Variants in PTPRO observed in about 807,000 individuals in gnomAD.
PTPRO encodes protein tyrosine phosphatase receptor type O, also known as receptor-type tyrosine-protein phosphatase O.
A neutral mutation model predicts 145.2 loss-of-function variants in PTPRO; 62 were observed. The ratio of observed to expected loss-of-function variants is 0.43; its 90% confidence interval spans 0.35 to 0.53. The LOEUF is 0.53. Among genes scored for constraint, PTPRO ranks in the 20% least tolerant of loss-of-function variants. PTPRO has a pLI of 0.01. For missense variants in PTPRO, 1,345 were observed against 1,482.7 expected (o/e 0.91, Z 1.53); for synonymous variants, 565 against 514.7 (o/e 1.10, Z -1.32).
At chr12:15,515,663 G>C (rs200201580) in intron 8 of PTPRO, 45 bp downstream of exon 8, 1 of 1,611,952 alleles carries the variant, frequency 6.2e-7, no homozygotes, top group African/African-American at 1.3e-5. Context: ...ATATATTAGG[G>C]TATTGACGGA....
chr12:15,495,961 T>A (rs1440095746), intron 2 of PTPRO, among the ~76,000 whole-genome samples: 1 of 151,952 alleles, frequency 6.6e-6, no homozygotes, highest in Non-Finnish European at 1.5e-5. Flanking sequence ...GGCAGGAGAT[T>A]TTTGTCCCTG....
chr12:15,558,484 A>G (rs1943694802), intron 16 of PTPRO, among the ~76,000 whole-genome samples: 2 of 152,220 alleles, frequency 1.3e-5, no homozygotes. Context: ...TATACCTGAC[A>G]ATGATAGATG....
At chr12:15,357,429 A>G (rs1938031320) in intron 1 of PTPRO, among the ~76,000 whole-genome samples, 1 of 152,260 alleles carries the variant, frequency 6.6e-6, no homozygotes, top group Admixed American at 6.5e-5. Flanking sequence ...AAATATTTTC[A>G]AATCAGCAGA....
intron 1 of PTPRO, among the ~76,000 whole-genome samples, chr12:15,390,997 G>A (rs983798): frequency 0.19 from 28,281 of 152,120 alleles, 2,734 homozygotes; most frequent in South Asian, 0.22. Context: ...GGGATAAAAT[G>A]AGAGTAAGCT....
At chr12:15,351,243 A>G (rs1360332801) in intron 1 of PTPRO, among the ~76,000 whole-genome samples, 1 of 152,222 alleles carries the variant, frequency 6.6e-6, no homozygotes, top group Non-Finnish European at 1.5e-5. Context: ...CACACGTAAA[A>G]TTATTAAGTC....
Position 15,580,030 on chromosome 12 carries a change from T to A in PTPRO, c.2921-9T>A, listed in dbSNP as rs1944275557. On this transcript the variant is annotated splice_polypyrimidine_tract_variant and intron_variant, in intron 20 of 26. Coordinates refer to ENST00000281171, the MANE Select transcript of PTPRO (RefSeq NM_030667.3). ...AATTTTAATATTTTTTTCTCCTTAT[T>A]CTCTACAGATGACTTCAGCCGTGTG... 6.2e-7 allele frequency: 1 copy of A among 1,610,426 alleles called. No homozygotes were observed. Among genetic ancestry groups the A allele is most frequent in the Non-Finnish European group, 8.5e-7 (1 of 1,177,646 alleles).
intron 1 of PTPRO, chr12:15,410,872 A>T (rs771798333): frequency 6.6e-6 from 1 of 152,188 alleles, no homozygotes; most frequent in African/African-American, 2.4e-5. Context: ...AATAGTTTAA[A>T]TCTTGGCACA....
At chr12:15,383,505 T>G (rs56718197) in intron 1 of PTPRO, among the ~76,000 whole-genome samples, 22,307 of 152,144 alleles carry the variant, frequency 0.15, 3,697 homozygotes, top group African/African-American at 0.41. Flanking sequence ...CTGTAAAATA[T>G]TTGAAGAGGT....
intron 1 of PTPRO, among the ~76,000 whole-genome samples, chr12:15,433,009 T>C (rs951272579): frequency 6.6e-6 from 1 of 152,080 alleles, no homozygotes; most frequent in Non-Finnish European, 1.5e-5. Context: ...TTGTTGTTAT[T>C]GTTTTTGCTG....
chr12:15,546,788 T>C, intron 13 of PTPRO, 80 bp downstream of exon 13: 2 of 1,552,720 alleles, frequency 1.3e-6, no homozygotes, highest in African/African-American at 1.4e-5. Context: ...ATCTTCTATT[T>C]CTTTGAGCTA....
At chr12:15,580,191 C>A in intron 21 of PTPRO, 76 bp downstream of exon 21, 2 of 1,142,580 alleles carry the variant, frequency 1.8e-6, no homozygotes, top group Non-Finnish European at 2.6e-6. Flanking sequence ...ATGGATGTGT[C>A]AAACAGTTCA....
intron 16 of PTPRO, among the ~76,000 whole-genome samples, chr12:15,558,432 G>T (rs957982387): frequency 2.6e-5 from 4 of 152,144 alleles, no homozygotes; most frequent in Non-Finnish European, 5.9e-5. Context: ...GGAAGTGTTC[G>T]AATTTTAAAG....
At chr12:15,583,749 A>G (rs1022659180) in intron 23 of PTPRO, among the ~76,000 whole-genome samples, 4 of 152,224 alleles carry the variant, frequency 2.6e-5, no homozygotes, top group East Asian at 3.8e-4. Flanking sequence ...AAAATAGGCA[A>G]TGGAAACAAA....
intron 1 of PTPRO, among the ~76,000 whole-genome samples, chr12:15,438,322 A>G (rs1226925542): frequency 6.6e-6 from 1 of 152,140 alleles, no homozygotes; most frequent in Non-Finnish European, 1.5e-5. Context: ...TAGTGAAACC[A>G]CCAAAAGATT....
At chr12:15,483,944 C>T (rs756154351) in intron 1 of PTPRO, 30 bp from the exon 2 acceptor site, 7 of 1,604,790 alleles carry the variant, frequency 4.4e-6, no homozygotes, top group Admixed American at 3.3e-5. Flanking sequence ...ATATAACCTC[C>T]ATCTCTTTTT....
chr12:15,524,739 G>T, intron 10 of PTPRO, 75 bp from the exon 11 acceptor site: 1 of 1,483,630 alleles, frequency 6.7e-7, no homozygotes, highest in Non-Finnish European at 9.4e-7. Context: ...CTCTATATGG[G>T]ATTTCATGCT....
intron 19 of PTPRO, among the ~76,000 whole-genome samples, chr12:15,575,506 T>C (rs1391160559): frequency 6.6e-6 from 1 of 152,210 alleles, no homozygotes. Context: ...GACATAAATC[T>C]CTACTGTTTA....
chr12:15,596,850 A>G lies in PTPRO; in HGVS notation c.*777A>G, dbSNP rs1259493069. ...ATGTTACTGTCCAAGTTCTTTCTCA[A>G]GAAACCACATCTGGTTCAGAAGAGT... is the stretch of plus-strand genomic sequence containing the variant. On this transcript the variant is annotated 3_prime_UTR_variant, in exon 27 of 27. Coordinates refer to ENST00000281171, the MANE Select transcript of PTPRO (RefSeq NM_030667.3). The G allele has an allele frequency of 6.6e-6, 1 of 152,640 alleles. No homozygotes were observed. The highest frequency in any genetic ancestry group is 2.1e-4 in the South Asian group (1 of 4,822). 9.5% of individuals were successfully genotyped at this position (152,640 alleles called of 1,614,324 possible).
At chr12:15,547,479 T>C (rs1286388572) in intron 13 of PTPRO, among the ~76,000 whole-genome samples, 1 of 152,226 alleles carries the variant, frequency 6.6e-6, no homozygotes, top group East Asian at 1.9e-4. Flanking sequence ...TAATTGATCT[T>C]TTTTAAATAA....
Sources: allele counts gnomAD v4.1 joint callset (sites outside exome capture counted in the v4.1 genomes callset), GRCh38; gene constraint gnomAD v4.1.1; transcripts MANE v1.5; gene names NCBI Gene and HGNC (gene_info 2026-07-23, HGNC 2026-07-21).